Variants in DDX10 observed in about 807,000 individuals in gnomAD.
DDX10 encodes the protein probable ATP-dependent RNA helicase DDX10.
DDX10 carries 74 observed loss-of-function variants against 104.3 expected under a neutral mutation model. The ratio of observed to expected loss-of-function variants is 0.71; its 90% CI spans 0.59 to 0.86. DDX10 has a LOEUF of 0.86. Ranked by LOEUF, DDX10 falls within the 40% of genes least tolerant of loss-of-function variation. DDX10 has a pLI of 0.00. For synonymous variants in DDX10, 351 were observed against 353.4 expected, an observed-to-expected ratio of 0.99 and a Z score of 0.08; for missense variants, 952 against 1,040.0, an observed-to-expected ratio of 0.92 and a Z score of 1.16.
intron 16 of DDX10, among the ~76,000 whole-genome samples, chr11:108,868,587 A>G (rs1405661883): frequency 6.6e-6 from 1 of 152,062 alleles, no homozygotes; most frequent in Non-Finnish European, 1.5e-5. Flanking sequence ...CACTGAGTTG[A>G]TACTCTAATG....
At chr11:108,859,814 T>C (rs1355741713) in intron 16 of DDX10, among the ~76,000 whole-genome samples, 1 of 152,242 alleles carries the variant, frequency 6.6e-6, no homozygotes, top group Non-Finnish European at 1.5e-5. Context: ...TATGTGTGGA[T>C]GTGACCATCG....
intron 16 of DDX10, among the ~76,000 whole-genome samples, chr11:108,909,523 G>A (rs928790699): frequency 3.3e-5 from 5 of 151,752 alleles, no homozygotes; most frequent in African/African-American, 1.2e-4. Context: ...TCCTCTGGCT[G>A]TTTCTGAGTT....
chr11:108,756,493 A>G (rs532171299), intron 13 of DDX10, among the ~76,000 whole-genome samples: 3 of 152,120 alleles, frequency 2.0e-5, no homozygotes, highest in South Asian at 2.1e-4. Context: ...CCACTTAGCT[A>G]TTTATTTAGC....
chr11:108,743,533 A>G (rs1026151034), intron 13 of DDX10, among the ~76,000 whole-genome samples: 1 of 152,266 alleles, frequency 6.6e-6, no homozygotes, highest in Admixed American at 6.5e-5. Context: ...TCTTTTAAAT[A>G]TGGTTGGAAA....
intron 16 of DDX10, among the ~76,000 whole-genome samples, chr11:108,858,205 G>A (rs1463336183): frequency 1.3e-5 from 2 of 151,742 alleles, no homozygotes; most frequent in Non-Finnish European, 1.5e-5. Flanking sequence ...AACTGTTTCC[G>A]TTTTGAAGCC....
chr11:108,828,538 T>G (rs1011963639), intron 13 of DDX10, among the ~76,000 whole-genome samples: 2 of 152,214 alleles, frequency 1.3e-5, no homozygotes, highest in African/African-American at 2.4e-5. Flanking sequence ...TTTCTTTTTT[T>G]TTGTTTGTTT....
Position 108,940,633 on chromosome 11 carries a change from AC to A in DDX10, c.*212del. On this transcript the variant is annotated 3_prime_UTR_variant, in exon 18 of 18. Coordinates refer to ENST00000322536, the MANE Select transcript of DDX10 (RefSeq NM_004398.4). ...CATACTCAGATCGAGGGTGGATGATACCATTTCCTGACCCCGTTTTCCAGCA... is the reference window on the plus strand; with the variant it reads ...CATACTCAGATCGAGGGTGGATGATACATTTCCTGACCCCGTTTTCCAGCA... 2.4e-6 allele frequency: 1 copy of A among 411,098 alleles called. No individual in the cohort carries two copies. The highest frequency in any genetic ancestry group is 4.3e-6 in the Non-Finnish European group (1 of 233,564). The allele number at this position is 411,098 out of a possible 1,614,324, so 25.5% of individuals were successfully genotyped here.
At chr11:108,803,986 C>G (rs1012866954) in intron 13 of DDX10, among the ~76,000 whole-genome samples, 1 of 152,172 alleles carries the variant, frequency 6.6e-6, no homozygotes, top group Non-Finnish European at 1.5e-5. Flanking sequence ...CTGATTAGGC[C>G]TGTTTCCAGG....
chr11:108,903,386 A>C (rs762826844), intron 16 of DDX10, among the ~76,000 whole-genome samples: 13 of 152,176 alleles, frequency 8.5e-5, no homozygotes, highest in Admixed American at 7.2e-4. Flanking sequence ...AGCATATACC[A>C]GGACTTCATT....
At chr11:108,900,380 T>C (rs1863502084) in intron 16 of DDX10, among the ~76,000 whole-genome samples, 1 of 152,238 alleles carries the variant, frequency 6.6e-6, no homozygotes. Context: ...ATATTTTGAC[T>C]ACTGAGAAAT....
intron 13 of DDX10, among the ~76,000 whole-genome samples, chr11:108,831,020 G>A (rs553434638): frequency 2.3e-4 from 34 of 148,790 alleles, no homozygotes; most frequent in African/African-American, 7.5e-4. Context: ...TCATAAACAA[G>A]TTCTATTAGA....
intron 13 of DDX10, among the ~76,000 whole-genome samples, chr11:108,754,928 T>C (rs1014014703): frequency 1.3e-5 from 2 of 152,092 alleles, no homozygotes; most frequent in African/African-American, 4.8e-5. Flanking sequence ...TTGAATATGC[T>C]AGCTCAAGTG....
chr11:108,859,761 C>T (rs1320087612), intron 16 of DDX10, among the ~76,000 whole-genome samples: 3 of 152,102 alleles, frequency 2.0e-5, no homozygotes, highest in Admixed American at 2.0e-4. Context: ...TGTGTTATTC[C>T]AGTGGTTACA....
chr11:108,666,313 AC>A (rs2094210081), intron 1 of DDX10, among the ~76,000 whole-genome samples: 1 of 152,138 alleles, frequency 6.6e-6, no homozygotes, highest in Non-Finnish European at 1.5e-5. Context: ...CCCCGCCTCT[AC>A]TAAAAATACA....
chr11:108,766,928 A>G (rs2094357057), intron 13 of DDX10, among the ~76,000 whole-genome samples: 1 of 152,210 alleles, frequency 6.6e-6, no homozygotes, highest in African/African-American at 2.4e-5. Context: ...GGTTGGCTTT[A>G]AAAGTATGGA....
intron 6 of DDX10, among the ~76,000 whole-genome samples, chr11:108,687,955 A>G (rs552674465): frequency 4.6e-5 from 7 of 152,188 alleles, no homozygotes; most frequent in Admixed American, 1.3e-4. Context: ...CCCCCTGATA[A>G]ATAGTACCAA....
chr11:108,878,462 T>C (rs1282044691), intron 16 of DDX10, among the ~76,000 whole-genome samples: 3 of 152,246 alleles, frequency 2.0e-5, no homozygotes, highest in African/African-American at 4.8e-5. Context: ...CACTGAATTA[T>C]GATTTTTATA....
chr11:108,813,250 A>G (rs151124494), intron 13 of DDX10, among the ~76,000 whole-genome samples: 3 of 152,282 alleles, frequency 2.0e-5, no homozygotes, highest in Admixed American at 2.0e-4. Flanking sequence ...TCACATTTCT[A>G]CTCATAATAT....
intron 13 of DDX10, among the ~76,000 whole-genome samples, chr11:108,767,085 G>A (rs1270691445): frequency 6.6e-6 from 1 of 152,150 alleles, no homozygotes; most frequent in Non-Finnish European, 1.5e-5. Context: ...AAAAGCAGTA[G>A]TAGGCACTAA....
Sources: gnomAD v4.1 joint callset for allele counts (sites outside exome capture counted in the v4.1 genomes callset) on GRCh38, gnomAD v4.1.1 for gene constraint, MANE v1.5 for transcripts, NCBI Gene and HGNC (gene_info 2026-07-23, HGNC 2026-07-21) for gene names.